Variants in FRMPD4 observed in about 807,000 individuals in gnomAD.
FRMPD4 encodes the protein FERM and PDZ domain containing 4.
In FRMPD4, 22 loss-of-function variants were observed where a neutral mutation model predicts 94.1. The ratio of observed to expected loss-of-function variants is 0.23; its 90% CI spans 0.17 to 0.33. The LOEUF (loss-of-function observed/expected upper bound fraction) is 0.33. FRMPD4 is among the 10% of genes least tolerant of loss of function. FRMPD4 has a pLI of 1.00. For missense variants in FRMPD4, 1,111 were observed against 1,339.9 expected (o/e 0.83, Z 2.67); for synonymous variants, 631 against 548.6 (o/e 1.15, Z -2.10).
At chrX:12,187,902 G>A (rs1382400580) in intron 1 of FRMPD4, among the ~76,000 whole-genome samples, 2 of 111,871 alleles carry the variant, frequency 1.8e-5, no homozygotes, top group African/African-American at 6.5e-5. Context: ...AGCACCTTCA[G>A]ACTGCAAACA....
At chrX:11,991,616 T>C (rs1024427763) in intron 3 of FRMPD4, among the ~76,000 whole-genome samples, 5 of 111,933 alleles carry the variant, frequency 4.5e-5, no homozygotes, top group African/African-American at 1.6e-4. Context: ...AGGATATTGA[T>C]TACTTGTAAA....
chrX:12,154,720 A>G (rs1206929521), intron 1 of FRMPD4, among the ~76,000 whole-genome samples: 1 of 113,044 alleles, frequency 8.8e-6, no homozygotes, highest in Non-Finnish European at 1.9e-5. Context: ...TTTAGCTGCA[A>G]GTAAATCAAT....
chrX:11,884,039 G>C (rs1157060795), intron 3 of FRMPD4, among the ~76,000 whole-genome samples: 1 of 111,491 alleles, frequency 9.0e-6, no homozygotes, highest in Non-Finnish European at 1.9e-5. Context: ...TCTCCCCTGT[G>C]GTGGAGTTGG....
At chrX:12,034,454 G>A (rs1258664890) in intron 3 of FRMPD4, among the ~76,000 whole-genome samples, 1 of 111,972 alleles carries the variant, frequency 8.9e-6, no homozygotes, top group African/African-American at 3.3e-5. Flanking sequence ...CCTTCATTAT[G>A]AGCCCCAATA....
chrX:12,153,148 G>C (rs962581615), intron 1 of FRMPD4, among the ~76,000 whole-genome samples: 1 of 110,706 alleles, frequency 9.0e-6, no homozygotes, highest in Non-Finnish European at 1.9e-5. Flanking sequence ...TTGTTAGCCA[G>C]GATGGTCTCG....
At chrX:11,935,267 G>GTTTTTTTTTTTT (rs1569129076) in intron 3 of FRMPD4, among the ~76,000 whole-genome samples, 1 of 3,235 alleles carries the variant, frequency 3.1e-4, no homozygotes, top group Non-Finnish European at 5.2e-4. Context: ...TTTTTTTAAT[G>GTTTTTTTTTTTT]TGTTTTTTTT....
intron 14 of FRMPD4, among the ~76,000 whole-genome samples, chrX:12,712,089 T>A (rs1418273495): frequency 5.4e-5 from 6 of 111,664 alleles, no homozygotes; most frequent in Non-Finnish European, 1.1e-4. Context: ...CTGATTTTTT[T>A]TAATTTCTCT....
chrX:11,828,617 C>A (rs1250759983), intron 1 of FRMPD4, among the ~76,000 whole-genome samples: 1 of 111,957 alleles, frequency 8.9e-6, no homozygotes, highest in Non-Finnish European at 1.9e-5. Context: ...CGAAAGTGGG[C>A]AAATGCTGCT....
chrX:11,985,812 G>A (rs2054426508), intron 3 of FRMPD4, among the ~76,000 whole-genome samples: 1 of 112,138 alleles, frequency 8.9e-6, no homozygotes, highest in Non-Finnish European at 1.9e-5. Flanking sequence ...CTCTGCCCAT[G>A]GAAAGGGAAG....
intron 1 of FRMPD4, among the ~76,000 whole-genome samples, chrX:12,274,804 T>G (rs1401178017): frequency 8.9e-6 from 1 of 112,114 alleles, no homozygotes; most frequent in African/African-American, 3.2e-5. Flanking sequence ...GGTCAGGAGA[T>G]CGAGACCATC....
At chrX:12,124,116 G>A (rs983874802) in intron 3 of FRMPD4, among the ~76,000 whole-genome samples, 1 of 111,015 alleles carries the variant, frequency 9.0e-6, no homozygotes. Flanking sequence ...TGATCTTCCT[G>A]ACCCAATTCC....
intron 1 of FRMPD4, among the ~76,000 whole-genome samples, chrX:12,193,545 C>G (rs1034943939): frequency 1.7e-4 from 18 of 106,173 alleles, no homozygotes; most frequent in Non-Finnish European, 3.5e-4. Context: ...GCTTCTTTGG[C>G]AAATATCTGA....
intron 2 of FRMPD4, among the ~76,000 whole-genome samples, chrX:12,607,928 T>G (rs1253774692): frequency 8.9e-6 from 1 of 112,569 alleles, no homozygotes; most frequent in Non-Finnish European, 1.9e-5. Context: ...TCATTCTTAT[T>G]AATTATGCAG....
At chrX:12,424,763 C>G (rs2056926213) in intron 1 of FRMPD4, among the ~76,000 whole-genome samples, 1 of 112,904 alleles carries the variant, frequency 8.9e-6, no homozygotes, top group Non-Finnish European at 1.9e-5. Context: ...TTTACCACAT[C>G]ATGAAAATAT....
chrX:12,632,519 C>A (rs1210299685), intron 4 of FRMPD4, among the ~76,000 whole-genome samples: 1 of 112,030 alleles, frequency 8.9e-6, no homozygotes, highest in Non-Finnish European at 1.9e-5. Context: ...GAAGATGCAC[C>A]TCACTGTTTT....
At chrX:12,040,495 A>G (rs7052027) in intron 3 of FRMPD4, among the ~76,000 whole-genome samples, 5,085 of 104,621 alleles carry the variant, frequency 0.049, 357 homozygotes, top group African/African-American at 0.17. Context: ...GCCTTTGATT[A>G]TAGATTTTAT....
At chrX:12,713,852 C>T (rs998172741) in intron 14 of FRMPD4, among the ~76,000 whole-genome samples, 1 of 111,739 alleles carries the variant, frequency 8.9e-6, no homozygotes, top group Non-Finnish European at 1.9e-5. Context: ...TTCTTCTCAC[C>T]TCAAATTGAT....
Position 12,609,727 on chromosome X carries a change from G to A in FRMPD4, c.165G>A (p.Met55Ile), listed in dbSNP as rs2059162592. The change falls in exon 3 of 17, where the codon ATG (methionine) becomes ATA (isoleucine). Residue 55 changes from methionine (M) to isoleucine (I), a missense_variant. Transcript: ENST00000675598. ...RDGRDYFINH[M>I]TQAIPFDDPR... ...GTATGTGCTTTCTCCACAGTCACAT[G>A]ACACAGGCAATCCCTTTTGACGACC... The A allele has an allele frequency of 2.5e-6, 3 of 1,205,997 alleles. No individual in the cohort carries two copies. Among genetic ancestry groups the A allele is most frequent in the Non-Finnish European group, 3.4e-6 (3 of 891,162 alleles).
rs73190573 is a variant in FRMPD4 at position 12,185,015 on chromosome X, C to G, written c.41+46003C>G. On this transcript the variant is annotated intron_variant, in intron 1 of 16. Transcript: ENST00000675598. ...GAGTAAAATTGGACTGTTTGTAACA[C>G]AAAGGATAAAAGCTTAAAGGGAGGG... Among the ~76,000 whole-genome samples, 685 of 111,168 alleles carry G rather than the reference C, an allele frequency of 6.2e-3. 3 individuals are homozygous for G. The highest frequency in any genetic ancestry group is 0.01 in the Non-Finnish European group (544 of 52,886).
Sources: allele counts gnomAD v4.1 joint callset (sites outside exome capture counted in the v4.1 genomes callset), GRCh38; gene constraint gnomAD v4.1.1; transcripts MANE v1.5; gene names NCBI Gene and HGNC (gene_info 2026-07-23, HGNC 2026-07-21).